Variants in TSPAN9 observed in about 807,000 individuals in gnomAD.
The protein encoded by TSPAN9 is tetraspanin-9.
A neutral mutation model predicts 31.0 loss-of-function variants in TSPAN9; 16 were observed. That is an observed-to-expected ratio of 0.52 (90% CI 0.35 to 0.78). TSPAN9 has a LOEUF of 0.78. Among genes scored for constraint, TSPAN9 ranks in the 30% least tolerant of loss-of-function variants. The pLI, the probability that TSPAN9 is intolerant of heterozygous loss-of-function variation, is 0.01. For missense variants in TSPAN9, 272 were observed against 312.5 expected, an observed-to-expected ratio of 0.87 and a Z score of 0.98; for synonymous variants, 145 against 121.6, an observed-to-expected ratio of 1.19 and a Z score of -1.27.
intron 3 of TSPAN9, chr12:3,273,334 G>A (rs1381238998): frequency 6.6e-6 from 1 of 152,268 alleles, no homozygotes; most frequent in Non-Finnish European, 1.5e-5. Flanking sequence ...TTCGGCTGGG[G>A]AAGGGGCAGG....
At chr12:3,162,113 A>G (rs1304447333) in intron 2 of TSPAN9, among the ~76,000 whole-genome samples, 1 of 152,022 alleles carries the variant, frequency 6.6e-6, no homozygotes, top group African/African-American at 2.4e-5. Context: ...TCACTGTAAT[A>G]GTTCCTGTGA....
At chr12:3,258,293 G>C (rs1862386277) in intron 3 of TSPAN9, among the ~76,000 whole-genome samples, 1 of 152,206 alleles carries the variant, frequency 6.6e-6, no homozygotes, top group Non-Finnish European at 1.5e-5. Flanking sequence ...GGTTCAAGAA[G>C]GGAGAGCCTT....
At chr12:3,261,579 A>G (rs1862449724) in intron 3 of TSPAN9, among the ~76,000 whole-genome samples, 1 of 152,220 alleles carries the variant, frequency 6.6e-6, no homozygotes, top group Non-Finnish European at 1.5e-5. Flanking sequence ...AAAGACTAGG[A>G]CAGACACTTT....
chr12:3,148,263 A>G (rs910583135), intron 2 of TSPAN9, among the ~76,000 whole-genome samples: 1 of 152,218 alleles, frequency 6.6e-6, no homozygotes, highest in Non-Finnish European at 1.5e-5. Context: ...CCTGTAAAGT[A>G]AATTATCTGC....
chr12:3,258,580 G>C (rs1862392383), intron 3 of TSPAN9, among the ~76,000 whole-genome samples: 1 of 151,228 alleles, frequency 6.6e-6, no homozygotes, highest in East Asian at 2.0e-4. Flanking sequence ...CACAATGTCA[G>C]GCAATCTTGT....
At chr12:3,180,524 A>T (rs2098358127) in intron 2 of TSPAN9, among the ~76,000 whole-genome samples, 1 of 152,096 alleles carries the variant, frequency 6.6e-6, no homozygotes, top group South Asian at 2.1e-4. Context: ...CGATTTTATA[A>T]CCCAATAATG....
At chr12:3,244,744 G>A (rs777024561) in intron 3 of TSPAN9, among the ~76,000 whole-genome samples, 10 of 152,166 alleles carry the variant, frequency 6.6e-5, no homozygotes, top group South Asian at 4.2e-4. Context: ...GAGAGGGTTT[G>A]TGGGGGCCAG....
Position 3,280,915 on chromosome 12 carries a change from G to A in TSPAN9, c.433-283G>A, listed in dbSNP as rs1160540614. 6.6e-6 allele frequency among the ~76,000 whole-genome samples: 1 copy of A among 151,982 alleles called. No homozygotes were observed. The highest frequency in any genetic ancestry group is 1.5e-5 in the Non-Finnish European group (1 of 67,976). ...GGGACGGTTTACAGAAAGAGCAGAG[G>A]TGCTGGTGGGCAAGCACAGGGCTGA... On this transcript the variant is annotated intron_variant, in intron 6 of 8. Transcript: ENST00000011898. This position sits in a 1 kb window ranked among gnomAD's most constrained non-coding sequence, Gnocchi z 4.5.
chr12:3,095,828 C>A (rs1418614099), intron 2 of TSPAN9, among the ~76,000 whole-genome samples: 6 of 146,920 alleles, frequency 4.1e-5, no homozygotes, highest in African/African-American at 1.5e-4. Flanking sequence ...GGCGGCCGGG[C>A]GGAGACGCTC....
chr12:3,162,711 T>C (rs150550184), intron 2 of TSPAN9, among the ~76,000 whole-genome samples: 3 of 152,308 alleles, frequency 2.0e-5, no homozygotes, highest in African/African-American at 7.2e-5. Flanking sequence ...TCCCCTCAGC[T>C]CTTTCTCAGC....
At chr12:3,109,097 G>A (rs896684118) in intron 2 of TSPAN9, among the ~76,000 whole-genome samples, 14 of 151,844 alleles carry the variant, frequency 9.2e-5, no homozygotes, top group South Asian at 2.1e-4. Flanking sequence ...CACCACGCCC[G>A]GCTAATTTTT....
chr12:3,177,238 C>T (rs2098356251), intron 2 of TSPAN9, among the ~76,000 whole-genome samples: 1 of 151,114 alleles, frequency 6.6e-6, no homozygotes, highest in Non-Finnish European at 1.5e-5. Flanking sequence ...CCTGGGTTCA[C>T]ACCATTCTCC....
chr12:3,157,924 G>C (rs1051181060), intron 2 of TSPAN9, among the ~76,000 whole-genome samples: 1 of 152,192 alleles, frequency 6.6e-6, no homozygotes, highest in Non-Finnish European at 1.5e-5. Flanking sequence ...GACGATGAGC[G>C]AAAACGCACC....
chr12:3,175,696 G>C (rs1339355423), intron 2 of TSPAN9, among the ~76,000 whole-genome samples: 1 of 152,204 alleles, frequency 6.6e-6, no homozygotes, highest in African/African-American at 2.4e-5. Context: ...GTAAGTACCT[G>C]GCCTTTCTGG....
intron 3 of TSPAN9, among the ~76,000 whole-genome samples, chr12:3,261,042 G>T (rs1474625045): frequency 2.6e-5 from 4 of 152,186 alleles, no homozygotes; most frequent in Non-Finnish European, 5.9e-5. Flanking sequence ...TGGTGACAGA[G>T]AGGAGGTGGG....
intron 3 of TSPAN9, among the ~76,000 whole-genome samples, chr12:3,224,711 G>C (rs977705118): frequency 7.2e-5 from 11 of 152,382 alleles, no homozygotes; most frequent in South Asian, 6.2e-4. Context: ...TACTGCGCCA[G>C]GGTGGCCGCG....
At chr12:3,110,436 T>C (rs779883462) in intron 2 of TSPAN9, among the ~76,000 whole-genome samples, 21 of 152,218 alleles carry the variant, frequency 1.4e-4, no homozygotes, top group Non-Finnish European at 2.5e-4. Context: ...TAGTGAGGTA[T>C]GGGGCACAGT....
intron 2 of TSPAN9, among the ~76,000 whole-genome samples, chr12:3,169,529 C>A (rs1421935609): frequency 6.6e-6 from 1 of 152,136 alleles, no homozygotes; most frequent in Non-Finnish European, 1.5e-5. Flanking sequence ...CCATAAGGAC[C>A]ACATGAGTTA....
At chr12:3,169,081 C>T (rs558791423) in intron 2 of TSPAN9, among the ~76,000 whole-genome samples, 2 of 152,322 alleles carry the variant, frequency 1.3e-5, no homozygotes, top group Non-Finnish European at 2.9e-5. Context: ...AGAAAACTGG[C>T]TCCATTTTCA....
Sources: gnomAD v4.1 joint callset for allele counts (sites outside exome capture counted in the v4.1 genomes callset) on GRCh38, gnomAD v4.1.1 for gene constraint, Gnocchi (gnomAD v3.1) non-coding constraint, MANE v1.5 for transcripts, NCBI Gene and HGNC (gene_info 2026-07-23, HGNC 2026-07-21) for gene names.